DNER: variants seen among roughly 807,000 people sequenced by gnomAD.
DNER encodes delta and Notch-like epidermal growth factor-related receptor.
Under a neutral mutation model 78.2 loss-of-function variants are expected in DNER, and 33 were observed. The ratio of observed to expected loss-of-function variants is 0.42; its 90% CI spans 0.32 to 0.56. The LOEUF is 0.56. DNER is among the 20% of genes least tolerant of loss of function. DNER has a pLI of 0.11. For synonymous variants in DNER, 417 were observed against 384.8 expected, an observed-to-expected ratio of 1.08 and a Z score of -0.98; for missense variants, 918 against 975.3, an observed-to-expected ratio of 0.94 and a Z score of 0.78.
intron 8 of DNER, among the ~76,000 whole-genome samples, chr2:229,436,230 T>C (rs983326116): frequency 6.6e-6 from 1 of 152,186 alleles, no homozygotes; most frequent in African/African-American, 2.4e-5. Context: ...ATTAGTTTGC[T>C]TAGGATAATA....
chr2:229,604,151 C>A (rs751667248), intron 1 of DNER, among the ~76,000 whole-genome samples: 5 of 152,198 alleles, frequency 3.3e-5, no homozygotes, highest in Admixed American at 6.5e-5. Context: ...GTCAGAGTAG[C>A]ACTTTGAAAA....
intron 6 of DNER, among the ~76,000 whole-genome samples, chr2:229,494,169 T>A (rs1485739915): frequency 1.3e-5 from 2 of 152,222 alleles, no homozygotes; most frequent in South Asian, 4.1e-4. Context: ...GTTCTTCTCA[T>A]ACACACAAAA....
intron 1 of DNER, among the ~76,000 whole-genome samples, chr2:229,631,450 A>G (rs1327279535): frequency 6.6e-6 from 1 of 152,220 alleles, no homozygotes; most frequent in Non-Finnish European, 1.5e-5. Context: ...CTTAAAATAT[A>G]GAAAGAAGAT....
intron 4 of DNER, among the ~76,000 whole-genome samples, chr2:229,577,152 G>A (rs1469241778): frequency 6.6e-6 from 1 of 152,176 alleles, no homozygotes; most frequent in Non-Finnish European, 1.5e-5. Context: ...GAATATTCCA[G>A]TTCAATGTAC....
At chr2:229,710,398 C>T (rs561795020) in intron 1 of DNER, among the ~76,000 whole-genome samples, 2 of 152,316 alleles carry the variant, frequency 1.3e-5, no homozygotes, top group South Asian at 4.1e-4. Flanking sequence ...AATTCCAGTT[C>T]CAGTTCTCAC....
intron 11 of DNER, among the ~76,000 whole-genome samples, chr2:229,368,354 C>T (rs1692398782): frequency 6.6e-6 from 1 of 152,122 alleles, no homozygotes; most frequent in Non-Finnish European, 1.5e-5. Flanking sequence ...CAGAGTGAGA[C>T]CCTGTCTCAA....
intron 1 of DNER, among the ~76,000 whole-genome samples, chr2:229,644,462 GC>G (rs1169585010): frequency 6.8e-6 from 1 of 147,584 alleles, no homozygotes; most frequent in African/African-American, 2.5e-5. Context: ...TCCTACCTCA[GC>G]CTCCTGTAAT....
chr2:229,510,341 G>A (rs1695840004), intron 6 of DNER, among the ~76,000 whole-genome samples: 1 of 152,244 alleles, frequency 6.6e-6, no homozygotes, highest in Non-Finnish European at 1.5e-5. Context: ...GTGGAGAATG[G>A]AGGGTCCGGG....
At chr2:229,487,720 A>G (rs1172846758) in intron 6 of DNER, among the ~76,000 whole-genome samples, 1 of 152,254 alleles carries the variant, frequency 6.6e-6, no homozygotes, top group African/African-American at 2.4e-5. Context: ...TTTGTGAGTG[A>G]AAATTCACAT....
intron 8 of DNER, among the ~76,000 whole-genome samples, chr2:229,443,434 T>C (rs1160624418): frequency 6.6e-6 from 1 of 152,180 alleles, no homozygotes; most frequent in African/African-American, 2.4e-5. Context: ...TTCAGCAGAT[T>C]TCAATTTGCA....
rs192889823 is a variant in DNER at position 229,413,474 on chromosome 2, C to T, written c.1609+4634G>A. 6.3e-4 allele frequency among the ~76,000 whole-genome samples: 95 copies of T among 151,542 alleles called. 2 individuals are homozygous for T. In the East Asian group the frequency reaches 0.017, roughly 28 times the overall value. ...AGTAGCTGGGACTACAGGCATGTGC[C>T]ACAGCGCCTGGCTAATTTTTGTATT... On this transcript the variant is annotated intron_variant, in intron 9 of 12. Transcript: ENST00000341772.
At chr2:229,425,336 G>GAAGC (rs1265501407) in intron 8 of DNER, among the ~76,000 whole-genome samples, 1 of 152,106 alleles carries the variant, frequency 6.6e-6, no homozygotes, top group African/African-American at 2.4e-5. Flanking sequence ...TGCCCCCTAT[G>GAAGC]AAGCCTCCAG....
chr2:229,649,142 C>G (rs1698769132), intron 1 of DNER, among the ~76,000 whole-genome samples: 1 of 152,166 alleles, frequency 6.6e-6, no homozygotes, highest in Non-Finnish European at 1.5e-5. Context: ...CTTCAAAAGG[C>G]CTTGGCGAGT....
rs143977352 is a variant in DNER, at chr2:229,387,971, T to G, written c.1855+294A>C. ...TCTGTTCAGCACATTTTTGGCTGCATGAGTAGCAGTGAACTCTGGATGACA... is the reference window on the plus strand; with the variant it reads ...TCTGTTCAGCACATTTTTGGCTGCAGGAGTAGCAGTGAACTCTGGATGACA... On this transcript the variant is annotated intron_variant, in intron 11 of 12. Transcript: ENST00000341772. Among the ~76,000 whole-genome samples the G allele has an allele frequency of 3.4e-4, 52 of 152,252 alleles. 1 individual carries two copies. The highest frequency in any genetic ancestry group is 1.2e-3 in the African/African-American group (48 of 41,558).
intron 1 of DNER, among the ~76,000 whole-genome samples, chr2:229,619,172 C>T (rs540383271): frequency 6.7e-6 from 1 of 149,238 alleles, no homozygotes; most frequent in South Asian, 2.1e-4. Context: ...CACACACACA[C>T]ATACACACAC....
intron 1 of DNER, among the ~76,000 whole-genome samples, chr2:229,691,567 G>T (rs1699572460): frequency 6.6e-6 from 1 of 152,016 alleles, no homozygotes; most frequent in African/African-American, 2.4e-5. Flanking sequence ...GGGCTGTGAT[G>T]TGATAGAAAC....
At chr2:229,625,881 A>C (rs2154215592) in intron 1 of DNER, among the ~76,000 whole-genome samples, 2 of 113,218 alleles carry the variant, frequency 1.8e-5, no homozygotes, top group East Asian at 5.2e-4. Context: ...CTACTATGCA[A>C]CTTTGTTTTT....
At position 229,434,046 on chromosome 2, in the gene DNER, A is replaced by G. The variant is rs528545613; in HGVS notation, c.1486+13270T>C. ...ATCTGACAAAGTTGCGCTGTTTCCAATTATATATCAGAGGTGGCCTCATAG... is the reference window on the plus strand; with the variant it reads ...ATCTGACAAAGTTGCGCTGTTTCCAGTTATATATCAGAGGTGGCCTCATAG... On this transcript the variant is annotated intron_variant, in intron 8 of 12. Transcript: ENST00000341772. Among the ~76,000 whole-genome samples, 17 of 152,346 alleles carry G rather than the reference A, an allele frequency of 1.1e-4. No homozygotes were observed. The South Asian group carries it at 2.5e-3, about 22-fold the overall frequency.
At chr2:229,537,131 G>A (rs1387230201) in intron 5 of DNER, among the ~76,000 whole-genome samples, 1 of 151,812 alleles carries the variant, frequency 6.6e-6, no homozygotes, top group Non-Finnish European at 1.5e-5. Context: ...CAGACCCTCT[G>A]GCCACATTCT....
Sources: allele counts gnomAD v4.1 joint callset (sites outside exome capture counted in the v4.1 genomes callset), GRCh38; gene constraint gnomAD v4.1.1; transcripts MANE v1.5; gene names NCBI Gene and HGNC (gene_info 2026-07-23, HGNC 2026-07-21).